The following DNAH1 variants were observed in gnomAD, a reference collection of about 807,000 sequenced individuals.
The protein encoded by DNAH1 is dynein axonemal heavy chain 1.
DNAH1 carries 327 observed loss-of-function variants against 484.3 expected under a neutral mutation model. The ratio of observed to expected loss-of-function variants is 0.68; its 90% CI spans 0.62 to 0.74. DNAH1 has a LOEUF of 0.74. Ranked by LOEUF, DNAH1 falls within the 30% of genes least tolerant of loss-of-function variation. The pLI is 0.00. For synonymous variants in DNAH1, 2,192 were observed against 2,191.9 expected (o/e 1.00, Z 0.00); for missense variants, 5,052 against 5,546.8 (o/e 0.91, Z 2.83).
intron 1 of DNAH1, among the ~76,000 whole-genome samples, chr3:52,319,823 G>T (rs1419417741): frequency 3.7e-4 from 57 of 152,200 alleles, no homozygotes. Context: ...GAGGGATGGA[G>T]GGGAAACAGG....
chr3:52,350,451 G>A (rs1280454273), intron 15 of DNAH1, 57 bp from the exon 16 acceptor site: 6 of 1,545,522 alleles, frequency 3.9e-6, no homozygotes, highest in South Asian at 2.3e-5. Flanking sequence ...GCCAGGTTCC[G>A]ATTACCCACC....
rs538959919 is a variant in DNAH1, at chr3:52,349,863, C to T, written c.2527-126C>T. ...CAGGAGCACCCCTCTTGGAAAGCGCCGCAGGATGTTGTGGTGGAGGGGACA... is the reference window on the plus strand; with the variant it reads ...CAGGAGCACCCCTCTTGGAAAGCGCTGCAGGATGTTGTGGTGGAGGGGACA... On this transcript the variant is annotated intron_variant, in intron 14 of 77. Coordinates refer to ENST00000420323, the MANE Select transcript of DNAH1 (RefSeq NM_015512.5). 197 of 1,378,290 alleles carry T rather than the reference C, an allele frequency of 1.4e-4. 2 individuals are homozygous for T. The South Asian group carries it at 2.2e-3, about 15-fold the overall frequency. 85.4% of individuals were successfully genotyped at this position (1,378,290 alleles called of 1,614,324 possible).
At position 52,333,145 on chromosome 3, in the gene DNAH1, CA is replaced by C. The variant is rs200120307; in HGVS notation, c.1286+754del. Among the ~76,000 whole-genome samples, 594 of 152,270 alleles carry C rather than the reference CA, an allele frequency of 3.9e-3. 5 individuals are homozygous for C. Among genetic ancestry groups the C allele is most frequent in the South Asian group, 0.023 (111 of 4,828 alleles). ...AAGTAAATCTCCCACCTTGGCTTCCCAAAGTGCTGGGATTATAGGCATGAGC... is the reference window on the plus strand; with the variant it reads ...AAGTAAATCTCCCACCTTGGCTTCCCAAGTGCTGGGATTATAGGCATGAGC... On this transcript the variant is annotated intron_variant, in intron 8 of 77. Coordinates refer to ENST00000420323, the MANE Select transcript of DNAH1 (RefSeq NM_015512.5).
chr3:52,359,268 T>C lies in DNAH1; in HGVS notation c.4289T>C (p.Leu1430Pro). The change falls in exon 26 of 78, where the codon CTG becomes CCG. Residue 1430 changes from leucine to proline, a missense_variant. Leu to Pro is a moderately conservative substitution (Grantham distance 98). Transcript: ENST00000420323. The part of the protein sequence containing the change: ...YPTMPRTQWV[L>P]NWPGQVTIAG... The stretch of plus-strand genomic sequence containing the variant: ...CAGATGCCCAGGACCCAGTGGGTTC[T>C]GAACTGGCCTGGCCAGGTGACCATC... 1 of 1,567,922 alleles carries C rather than the reference T, an allele frequency of 6.4e-7. No individual in the cohort carries two copies. Among genetic ancestry groups the C allele is most frequent in the Non-Finnish European group, 8.7e-7 (1 of 1,155,702 alleles).
Position 52,353,797 on chromosome 3 carries a change from A to AG in DNAH1, c.3480+164_3480+165insG. 1 of 917,826 alleles carries AG rather than the reference A, an allele frequency of 1.1e-6. No individual in the cohort carries two copies. The highest frequency in any genetic ancestry group is 1.6e-6 in the Non-Finnish European group (1 of 623,582). 56.9% of individuals were successfully genotyped at this position (917,826 alleles called of 1,614,324 possible). On this transcript the variant is annotated intron_variant, in intron 20 of 77. Transcript: ENST00000420323. The surrounding 1 kb of genome is among the most constrained non-coding windows in gnomAD (Gnocchi z 5.0). ...GATGCATTCTATTAAGTGAGTTAAT[A>AG]ATGCACATAAAATTCTTGACAGTGT...
Position 52,353,557 on chromosome 3 carries a change from A to T in DNAH1, c.3404A>T (p.Glu1135Val). 1 of 1,613,504 alleles carries T rather than the reference A, an allele frequency of 6.2e-7. No homozygotes were observed. The highest frequency in any genetic ancestry group is 8.5e-7 in the Non-Finnish European group (1 of 1,179,716). The change falls in exon 20 of 78, where the codon GAG (glutamate) becomes GTG (valine). Residue 1135 changes from glutamate (E) to valine (V), a missense_variant. Coordinates refer to ENST00000420323, the MANE Select transcript of DNAH1 (RefSeq NM_015512.5). This position sits in a 1 kb window ranked among gnomAD's most constrained non-coding sequence, Gnocchi z 5.0. ...AACCTGACCTTTGCTCGCTGCCTGG[A>T]GATGAACCTGCAGGACCATATCGAG... Reference protein sequence around the residue: ...KANLTFARCLEMNLQDHIESI... With the variant: ...KANLTFARCLVMNLQDHIESI...
chr3:52,330,006 T>G lies in DNAH1; in HGVS notation c.872-1142T>G, dbSNP rs1701483842. 2.0e-5 allele frequency among the ~76,000 whole-genome samples: 3 copies of G among 152,160 alleles called. 1 individual carries two copies. Among genetic ancestry groups the G allele is most frequent in the Non-Finnish European group, 4.4e-5 (3 of 68,022 alleles). ...TTGTATTTTTGTAGAGACGGGATTT[T>G]ACCATGTTGCCCAAGGTGGTCTCGA... On this transcript the variant is annotated intron_variant, in intron 6 of 77. Coordinates refer to ENST00000420323, the MANE Select transcript of DNAH1 (RefSeq NM_015512.5).
chr3:52,387,773 G>A (rs1011086100), intron 56 of DNAH1, among the ~76,000 whole-genome samples: 5 of 152,208 alleles, frequency 3.3e-5, no homozygotes, highest in African/African-American at 4.8e-5. Context: ...GAGCCCCAGG[G>A]GGTGGGGTAG....
At position 52,364,573 on chromosome 3, in the gene DNAH1, G is replaced by A; in HGVS notation, c.5245-65G>A. On this transcript the variant is annotated intron_variant, in intron 32 of 77. Transcript: ENST00000420323. The surrounding 1 kb of genome is among the most constrained non-coding windows in gnomAD (Gnocchi z 4.2). ...GGCCAACTGCCAGGTGGGAGGCAGA[G>A]TGTTCCAGGCAGAAGCCTTGGAGAG... is the stretch of plus-strand genomic sequence containing the variant. The A allele has an allele frequency of 6.4e-7, 1 of 1,568,178 alleles. No homozygotes were observed. The highest frequency in any genetic ancestry group is 1.1e-5 in the South Asian group (1 of 90,174).
chr3:52,386,947 C>A, intron 56 of DNAH1, 94 bp downstream of exon 56: 12 of 1,290,246 alleles, frequency 9.3e-6, no homozygotes, highest in Non-Finnish European at 1.3e-5. Context: ...CCCACCACAT[C>A]ATCTGCATGT....
chr3:52,374,944 A>T (rs1202961905), intron 44 of DNAH1: 3 of 484,236 alleles, frequency 6.2e-6, no homozygotes, highest in African/African-American at 5.1e-5. Flanking sequence ...TTTTTATAAG[A>T]TAGGACTATG....
Position 52,322,641 on chromosome 3 carries a change from GCC to G in DNAH1, c.202_203del (p.Pro68ThrfsTer18). 1 of 1,613,820 alleles carries G rather than the reference GCC, an allele frequency of 6.2e-7. No homozygotes were observed. The highest frequency in any genetic ancestry group is 8.5e-7 in the Non-Finnish European group (1 of 1,179,846). On this transcript the variant is annotated frameshift_variant, in exon 2 of 78. Transcript: ENST00000420323. LOFTEE classifies it high-confidence loss of function. ...GCTCCCACATTTACCCCTGCCCCCG[GCC>G]CCACCCACACTCTCAGACTTGGGGC... is the stretch of plus-strand genomic sequence containing the variant. ...PKLPHLPLPPAPPTLSDLGQP... is the reference protein window; with the variant it reads ...PKLPHLPLPPXPPTLSDLGQP...
chr3:52,395,581 T>C lies in DNAH1; in HGVS notation c.11162T>C (p.Ile3721Thr), dbSNP rs1201041664. Residue 3721 changes from isoleucine (I) to threonine (T), a missense_variant, in exon 70 of 78, where the codon ATA (isoleucine) becomes ACA (threonine). Ile to Thr is a moderately conservative substitution (Grantham distance 89). Coordinates refer to ENST00000420323, the MANE Select transcript of DNAH1 (RefSeq NM_015512.5). The surrounding 1 kb of genome is among the most constrained non-coding windows in gnomAD (Gnocchi z 4.4). ...PRAEAMMRSS[I>T]ERGKWVFFQN... ...GCAGAAGCCATGATGCGCAGCTCCA[T>C]AGAGAGGGGCAAATGGGTCTTCTTC... 25 of 1,613,628 alleles carry C rather than the reference T, an allele frequency of 1.5e-5. No homozygotes were observed. Among genetic ancestry groups the C allele is most frequent in the African/African-American group, 2.7e-5 (2 of 74,918 alleles).
Position 52,397,012 on chromosome 3 carries a change from T to C in DNAH1, c.11755T>C (p.Tyr3919His), listed in dbSNP as rs2153225800. 1.2e-6 allele frequency: 2 copies of C among 1,610,136 alleles called. No individual in the cohort carries two copies. The highest frequency in any genetic ancestry group is 1.3e-5 in the African/African-American group (1 of 74,920). Residue 3919 changes from tyrosine to histidine, a missense_variant, in exon 73 of 78, where the codon TAC (tyrosine) becomes CAC (histidine). Physicochemically the swap from Tyr to His is moderately conservative, Grantham distance 83 (BLOSUM62 2). Coordinates refer to ENST00000420323, the MANE Select transcript of DNAH1 (RefSeq NM_015512.5). ...GCACAGCTACAGCGCCTCGGGCATC[T>C]ACCACCAGATCCCGCCTACCTACGA... ...PEHSYSASGI[Y>H]HQIPPTYDLH...
Position 52,363,010 on chromosome 3 carries a change from G to A in DNAH1, c.5110G>A (p.Val1704Met), listed in dbSNP as rs575960727. 5.6e-6 allele frequency: 9 copies of A among 1,613,950 alleles called. No homozygotes were observed. The East Asian group carries it at 8.9e-5, about 16-fold the overall frequency. The part of the protein sequence containing the change: ...PDNLKALFRP[V>M]AMMVPDYAMI... ...TGTGTCCCAGGCGCTCTTCCGACCC[G>A]TGGCCATGATGGTTCCAGATTACGC... is the stretch of plus-strand genomic sequence containing the variant. The change falls in exon 32 of 78, where the codon GTG (valine) becomes ATG (methionine). Residue 1704 changes from valine (V) to methionine (M), a missense_variant. Transcript: ENST00000420323.
At position 52,383,491 on chromosome 3, in the gene DNAH1, C is replaced by T. The variant is rs779766452; in HGVS notation, c.8047C>T (p.Arg2683Trp). 8.1e-6 allele frequency: 13 copies of T among 1,613,830 alleles called. No individual in the cohort carries two copies. Among genetic ancestry groups the T allele is most frequent in the African/African-American group, 2.7e-5 (2 of 75,058 alleles). Residue 2683 changes from arginine to tryptophan, a missense_variant, in exon 51 of 78, where the codon CGG becomes TGG. Physicochemically the swap from Arg to Trp is moderately radical, Grantham distance 101. Coordinates refer to ENST00000420323, the MANE Select transcript of DNAH1 (RefSeq NM_015512.5). ...DEQDQIVSTM[R>W]PYIQEQGLQP... ...GCAGGACCAGATCGTCAGCACCATG[C>T]GGCCCTATATCCAGGAGCAGGGCCT...
rs373525441 is a variant in DNAH1 at position 52,353,407 on chromosome 3, G to C, written c.3254G>C (p.Arg1085Pro). ...PACQEVALDI[R>P]ARIEEFKPYI... ...TGCCAGGAAGTGGCCTTGGACATCCGGGCCCGCATCGAGGAGTTCAAACCA... is the reference window on the plus strand; with the variant it reads ...TGCCAGGAAGTGGCCTTGGACATCCCGGCCCGCATCGAGGAGTTCAAACCA... Residue 1085 changes from arginine (R) to proline (P), a missense_variant, in exon 20 of 78, where the codon CGG (arginine) becomes CCG (proline). Transcript: ENST00000420323. This position sits in a 1 kb window ranked among gnomAD's most constrained non-coding sequence, Gnocchi z 5.0. The C allele has an allele frequency of 6.2e-7, 1 of 1,612,560 alleles. No individual in the cohort carries two copies. The highest frequency in any genetic ancestry group is 2.2e-5 in the East Asian group (1 of 44,874).
At chr3:52,341,577 C>T (rs1425343037) in intron 8 of DNAH1, among the ~76,000 whole-genome samples, 1 of 149,340 alleles carries the variant, frequency 6.7e-6, no homozygotes, top group African/African-American at 2.5e-5. Context: ...TGCTCTGTCC[C>T]CCAGGCTAGA....
At chr3:52,354,443 G>A (rs1702524099) in intron 20 of DNAH1, among the ~76,000 whole-genome samples, 1 of 152,148 alleles carries the variant, frequency 6.6e-6, no homozygotes, top group Non-Finnish European at 1.5e-5. Context: ...GACCAGCCTG[G>A]CCAACATGGT....
Sources: gnomAD v4.1 joint callset for allele counts (sites outside exome capture counted in the v4.1 genomes callset) on GRCh38, gnomAD v4.1.1 for gene constraint, Gnocchi (gnomAD v3.1) non-coding constraint, MANE v1.5 for transcripts, NCBI Gene and HGNC (gene_info 2026-07-23, HGNC 2026-07-21) for gene names.